TSPOAP1: variants seen among roughly 807,000 people sequenced by gnomAD.
The protein encoded by TSPOAP1 is TSPO associated protein 1, also known as peripheral-type benzodiazepine receptor-associated protein 1.
In TSPOAP1, 87 loss-of-function variants were observed where a neutral mutation model predicts 197.0. The ratio of observed to expected loss-of-function variants is 0.44; its 90% CI spans 0.37 to 0.53. TSPOAP1 has a LOEUF of 0.53. Among genes scored for constraint, TSPOAP1 ranks in the 20% least tolerant of loss-of-function variants. The pLI, the probability that TSPOAP1 is intolerant of heterozygous loss-of-function variation, is 0.00. For missense variants in TSPOAP1, 2,174 were observed against 2,411.3 expected, an observed-to-expected ratio of 0.90 and a Z score of 2.06; for synonymous variants, 913 against 998.9, an observed-to-expected ratio of 0.91 and a Z score of 1.62.
In TSPOAP1 at chr17:58,323,034, C is replaced by T. The variant is rs947103688; in HGVS notation, c.1110G>A (p.Leu370=). The T allele has an allele frequency of 1.2e-6, 2 of 1,607,856 alleles. No individual in the cohort carries two copies. Among genetic ancestry groups the T allele is most frequent in the Non-Finnish European group, 1.7e-6 (2 of 1,177,248 alleles). The change falls in exon 8 of 32, where the codon CTG becomes CTA. Residue 370 remains leucine (L), a synonymous_variant. Transcript: ENST00000343736. The stretch of plus-strand genomic sequence containing the variant: ...TCTCATTCTGCGCTTGTCTCAGCTG[C>T]AGTTCCTGAGCGGGCAGAGGAGCTC... The part of the protein sequence containing the change: ...KKQRRCEELE[L]QLRQAQNENA...
chr17:58,307,036 G>A (rs1970919831), intron 24 of TSPOAP1, 68 bp from the exon 25 acceptor site: 1 of 1,499,504 alleles, frequency 6.7e-7, no homozygotes, highest in Non-Finnish European at 9.1e-7. Flanking sequence ...CCGAACCCCA[G>A]CAACACCCCA....
rs1971108009 is a variant in TSPOAP1, at chr17:58,312,568, G to A, written c.2253C>T (p.Gly751=). 9 of 1,611,398 alleles carry A rather than the reference G, an allele frequency of 5.6e-6. No homozygotes were observed. Among genetic ancestry groups the A allele is most frequent in the Non-Finnish European group, 7.6e-6 (9 of 1,178,900 alleles). Residue 751 remains glycine, a synonymous_variant, in exon 17 of 32, where the codon GGC becomes GGT. Coordinates refer to ENST00000343736, the MANE Select transcript of TSPOAP1 (RefSeq NM_004758.4). ...ELSFLSVGGG[G]SSSGGQSSVG... is the part of the protein sequence containing the mutation. Reference sequence around the variant, plus strand: ...CACTGCTTTGGCCCCCGCTACTGCTGCCACCCCCACCTACACTCAGGAAAC... The same window carrying A: ...CACTGCTTTGGCCCCCGCTACTGCTACCACCCCCACCTACACTCAGGAAAC...
chr17:58,307,145 C>A (rs1970923238), intron 24 of TSPOAP1, among the ~76,000 whole-genome samples, 177 bp from the exon 25 acceptor site: 2 of 152,214 alleles, frequency 1.3e-5, no homozygotes, highest in African/African-American at 2.4e-5. Context: ...GAGAAGACAG[C>A]CCTTTCTGTA....
chr17:58,316,144 G>A lies in TSPOAP1; in HGVS notation c.1989-12C>T, dbSNP rs375283168. 368 of 1,599,536 alleles carry A rather than the reference G, an allele frequency of 2.3e-4. 1 individual carries two copies. The African/African-American group carries it at 3.7e-3, about 16-fold the overall frequency. On this transcript the variant is annotated splice_polypyrimidine_tract_variant and intron_variant, in intron 15 of 31. Coordinates refer to ENST00000343736, the MANE Select transcript of TSPOAP1 (RefSeq NM_004758.4). ...CAAAGGGGTTGTAGCTGTTAGGGGA[G>A]GCACAGAGGAGGAGGAGGAGAGTGA...
Position 58,322,649 on chromosome 17 carries a change from C to T in TSPOAP1, c.1317+5G>A, listed in dbSNP as rs768145315. The T allele has an allele frequency of 6.2e-7, 1 of 1,609,132 alleles. No homozygotes were observed. Among genetic ancestry groups the T allele is most frequent in the South Asian group, 1.1e-5 (1 of 91,076 alleles). ...CACCCTCTCCCACCTGCACCATCTCCTCACCTTCAGCACTTGCTCCAGGCT... is the reference window on the plus strand; with the variant it reads ...CACCCTCTCCCACCTGCACCATCTCTTCACCTTCAGCACTTGCTCCAGGCT... On this transcript the variant is annotated splice_donor_5th_base_variant and intron_variant, in intron 9 of 31. Transcript: ENST00000343736. This position sits in a 1 kb window ranked among gnomAD's most constrained non-coding sequence, Gnocchi z 5.0.
chr17:58,311,525 G>C lies in TSPOAP1; in HGVS notation c.3081+46C>G, dbSNP rs757861025. 5 of 1,520,826 alleles carry C rather than the reference G, an allele frequency of 3.3e-6. No individual in the cohort carries two copies. In the African/African-American group the frequency reaches 7.0e-5, roughly 21 times the overall value. The allele number at this position is 1,520,826 out of a possible 1,614,324, so 94.2% of individuals were successfully genotyped here. Reference sequence around the variant, plus strand: ...GAGCCTAGACCTCTGAGCATAGCAAGAAGGGACCCACCCCCACTCCCAGGG... The same window carrying C: ...GAGCCTAGACCTCTGAGCATAGCAACAAGGGACCCACCCCCACTCCCAGGG... On this transcript the variant is annotated intron_variant, in intron 18 of 31. Transcript: ENST00000343736.
Position 58,312,412 on chromosome 17 carries a change from CA to C in TSPOAP1, c.2408del (p.Leu803ArgfsTer25). On this transcript the variant is annotated frameshift_variant, in exon 17 of 32. Transcript: ENST00000343736. LOFTEE classifies it high-confidence loss of function. ...YPRRLVVLKQLAHSVVLAWEP... is the reference protein window; with the variant it reads ...YPRRLVVLKQXAHSVVLAWEP... ...CCCAGGCCAGCACCACGCTGTGGGC[CA>C]GCTGCTTGAGGACCACCAGACGGCG... 6.2e-7 allele frequency: 1 copy of C among 1,613,078 alleles called. No individual in the cohort carries two copies. The highest frequency in any genetic ancestry group is 8.5e-7 in the Non-Finnish European group (1 of 1,179,794).
rs777133076 is a variant in TSPOAP1, at chr17:58,310,538, C to G, written c.3673G>C (p.Gly1225Arg). 3 of 1,613,478 alleles carry G rather than the reference C, an allele frequency of 1.9e-6. No individual in the cohort carries two copies. Among genetic ancestry groups the G allele is most frequent in the South Asian group, 1.1e-5 (1 of 91,076 alleles). ...NTEMCQGGDP[G>R]SGLRPRAEKE... The stretch of plus-strand genomic sequence containing the variant: ...TCAGCCCTGGGCCTCAGCCCAGACC[C>G]TGGGTCTCCTCCTTGGCACATCTCG... The change falls in exon 20 of 32, where the codon GGG becomes CGG. Residue 1225 changes from glycine to arginine, a missense_variant. Around this residue, in one of 5 missense-constraint regions of TSPOAP1, gnomAD observed 1,933 missense variants for 2,139.0 expected, o/e 0.90. Transcript: ENST00000343736.
chr17:58,319,154 T>G lies in TSPOAP1; in HGVS notation c.1635A>C (p.Gly545=). Residue 545 remains glycine, a synonymous_variant, in exon 13 of 32, where the codon GGA becomes GGC. Transcript: ENST00000343736. ...LTSALDCGSL[G]DCPPPPCCCS... ...AGCAGCAGGGGGGTGGTGGGCAGTC[T>G]CCAAGGCTCCCACAGTCCAGGGCAG... 1 of 1,559,344 alleles carries G rather than the reference T, an allele frequency of 6.4e-7. No homozygotes were observed. Among genetic ancestry groups the G allele is most frequent in the Non-Finnish European group, 8.7e-7 (1 of 1,150,978 alleles).
At chr17:58,323,119 T>G in intron 7 of TSPOAP1, 80 bp from the exon 8 acceptor site, 2 of 1,529,686 alleles carry the variant, frequency 1.3e-6, no homozygotes, top group Non-Finnish European at 1.8e-6. Context: ...CCTGCCCTCC[T>G]CCCAGGCAAG....
intron 12 of TSPOAP1, among the ~76,000 whole-genome samples, chr17:58,319,862 T>G (rs1298491696): frequency 2.0e-5 from 3 of 152,230 alleles, no homozygotes; most frequent in African/African-American, 7.2e-5. Context: ...AGACTGGTGA[T>G]GAACTTCCTC....
intron 16 of TSPOAP1, among the ~76,000 whole-genome samples, chr17:58,314,083 G>C (rs1241412428): frequency 6.6e-6 from 1 of 152,204 alleles, no homozygotes; most frequent in African/African-American, 2.4e-5. Flanking sequence ...GGGGGAGCAC[G>C]AGCCAGGGCT....
rs1971225273 is a variant in TSPOAP1 at position 58,316,139 on chromosome 17, G to A, written c.1989-7C>T. 1.2e-6 allele frequency: 2 copies of A among 1,607,012 alleles called. No individual in the cohort carries two copies. Among genetic ancestry groups the A allele is most frequent in the Non-Finnish European group, 1.7e-6 (2 of 1,173,710 alleles). ...ACCCTCAAAGGGGTTGTAGCTGTTA[G>A]GGGAGGCACAGAGGAGGAGGAGGAG... On this transcript the variant is annotated splice_polypyrimidine_tract_variant and splice_region_variant and intron_variant, in intron 15 of 31. Transcript: ENST00000343736.
Position 58,308,795 on chromosome 17 carries a change from T to C in TSPOAP1, c.4477A>G (p.Lys1493Glu). The change falls in exon 22 of 32, where the codon AAG becomes GAG. Residue 1493 changes from lysine to glutamate, a missense_variant. Physicochemically the swap from Lys to Glu is moderately conservative, Grantham distance 56 (BLOSUM62 1). Around this residue, in one of 5 missense-constraint regions of TSPOAP1, gnomAD observed 1,933 missense variants for 2,139.0 expected, o/e 0.90. Transcript: ENST00000343736. The part of the protein sequence containing the change: ...EPGLASCLSP[K>E]CLEISIEYDS... ...TATTCAATGCTGATTTCCAAGCACT[T>C]GGGGGAAAGGCAGCTGGCCAGGCCA... 6.2e-7 allele frequency: 1 copy of C among 1,612,982 alleles called. No individual in the cohort carries two copies. Among genetic ancestry groups the C allele is most frequent in the African/African-American group, 1.3e-5 (1 of 75,054 alleles).
Position 58,304,568 on chromosome 17 carries a change from TCCCTG to T in TSPOAP1, c.5545-174_5545-170del. The T allele has an allele frequency of 1.6e-6, 1 of 630,970 alleles. No homozygotes were observed. Among genetic ancestry groups the T allele is most frequent in the Admixed American group, 2.7e-5 (1 of 36,846 alleles). 39.1% of individuals were successfully genotyped at this position (630,970 alleles called of 1,614,324 possible). A position where few individuals can be genotyped will look rare whatever the true frequency, so the allele number is the denominator to read the frequency against. On this transcript the variant is annotated intron_variant, in intron 30 of 31. Coordinates refer to ENST00000343736, the MANE Select transcript of TSPOAP1 (RefSeq NM_004758.4). This position sits in a 1 kb window ranked among gnomAD's most constrained non-coding sequence, Gnocchi z 4.2. Reference sequence around the variant, plus strand: ...TGGGGCTTGGCCTCTTCACCCTCTCTCCCTGCCCTCTGAGAGTGGAGGCTTAGTTG... The same window carrying T: ...TGGGGCTTGGCCTCTTCACCCTCTCTCCCTCTGAGAGTGGAGGCTTAGTTG...
At chr17:58,303,412 CG>C (rs1232488845) in intron 31 of TSPOAP1, 1 of 152,200 alleles carries the variant, frequency 6.6e-6, no homozygotes, top group Admixed American at 6.5e-5. Flanking sequence ...GCCCCACCCC[CG>C]CCCCAGGCCT....
intron 11 of TSPOAP1, 128 bp from the exon 12 acceptor site, chr17:58,320,257 G>C: frequency 1.7e-6 from 2 of 1,164,760 alleles, no homozygotes; most frequent in Non-Finnish European, 2.5e-6. Flanking sequence ...CTGACTAGCA[G>C]TTCCTAAATG....
intron 16 of TSPOAP1, among the ~76,000 whole-genome samples, chr17:58,314,076 G>C (rs1971145653): frequency 6.6e-6 from 1 of 152,204 alleles, no homozygotes; most frequent in Non-Finnish European, 1.5e-5. Context: ...AGAGGAAGGG[G>C]GAGCACGAGC....
At chr17:58,317,693 A>G (rs1185705118) in intron 14 of TSPOAP1, among the ~76,000 whole-genome samples, 1 of 152,236 alleles carries the variant, frequency 6.6e-6, no homozygotes, top group Non-Finnish European at 1.5e-5. Context: ...GTTGACGACC[A>G]GAGCTATGAG....
Sources: allele counts gnomAD v4.1 joint callset (sites outside exome capture counted in the v4.1 genomes callset), GRCh38; gene constraint gnomAD v4.1.1; regional missense constraint gnomAD v4.1.1; non-coding constraint Gnocchi (gnomAD v3.1); transcripts MANE v1.5; gene names NCBI Gene and HGNC (gene_info 2026-07-23, HGNC 2026-07-21).